Variants in RMST observed in about 807,000 individuals in gnomAD.
The protein encoded by RMST is rhabdomyosarcoma 2 associated transcript.
intron 10 of RMST, among the ~76,000 whole-genome samples, chr12:97,511,654 C>T (rs1879308635): frequency 1.3e-5 from 2 of 152,144 alleles, no homozygotes; most frequent in African/African-American, 4.8e-5. Context: ...TCTTACTATG[C>T]CTCAGTTGCC....
intron 10 of RMST, among the ~76,000 whole-genome samples, chr12:97,523,490 A>G (rs1403701329): frequency 6.6e-6 from 1 of 152,220 alleles, no homozygotes; most frequent in Non-Finnish European, 1.5e-5. Flanking sequence ...TCTCACCTCA[A>G]AGAAATGACA....
chr12:97,553,949 C>CTTTT (rs756008010), intron 11 of RMST, among the ~76,000 whole-genome samples: 27 of 120,256 alleles, frequency 2.2e-4, no homozygotes, highest in African/African-American at 2.7e-4. Context: ...TTTTCTTTCT[C>CTTTT]TTTTTTTTTT....
chr12:97,530,576 G>C (rs1285542207), intron 10 of RMST: 2 of 152,056 alleles, frequency 1.3e-5, no homozygotes, highest in Non-Finnish European at 2.9e-5. Context: ...TAGAATCTGT[G>C]ACACGTATGA....
chr12:97,514,941 T>C (rs1879781008), intron 10 of RMST, among the ~76,000 whole-genome samples: 1 of 152,220 alleles, frequency 6.6e-6, no homozygotes, highest in South Asian at 2.1e-4. Flanking sequence ...GTGCTGGTTT[T>C]GTGAAACCTT....
chr12:97,500,041 T>A (rs1877913132), intron 10 of RMST, among the ~76,000 whole-genome samples: 1 of 152,206 alleles, frequency 6.6e-6, no homozygotes, highest in Admixed American at 6.5e-5. Flanking sequence ...TCATGTTTAA[T>A]AATTTGTGAA....
In RMST at chr12:97,543,325, C is replaced by T. The variant is rs568106978; in HGVS notation, n.1545+12466C>T. 1.8e-4 allele frequency among the ~76,000 whole-genome samples: 28 copies of T among 152,042 alleles called. 1 individual carries two copies. In the South Asian group the frequency reaches 5.6e-3, roughly 30 times the overall value. On this transcript the variant is annotated intron_variant and non_coding_transcript_variant, in intron 11 of 13. Transcript: ENST00000640149. ...TAAAGGCCATTCTGCATTTCTCTAC[C>T]TCCTTTTAGTTTTTTCCACAGTTCT...
At chr12:97,519,389 C>T (rs1014299944) in intron 10 of RMST, among the ~76,000 whole-genome samples, 4 of 152,180 alleles carry the variant, frequency 2.6e-5, no homozygotes, top group African/African-American at 9.7e-5. Context: ...ATTGCTATCT[C>T]TTCAAATTGG....
chr12:97,481,078 G>T (rs562199499), intron 5 of RMST, among the ~76,000 whole-genome samples: 7 of 152,316 alleles, frequency 4.6e-5, no homozygotes, highest in African/African-American at 1.7e-4. Flanking sequence ...GAACTGGAAC[G>T]ATCTTTGTCT....
At chr12:97,534,086 G>T (rs1881888609) in intron 11 of RMST, among the ~76,000 whole-genome samples, 1 of 151,744 alleles carries the variant, frequency 6.6e-6, no homozygotes, top group Non-Finnish European at 1.5e-5. Context: ...TCTGTTTGCT[G>T]TAAGGATAAT....
chr12:97,550,692 A>G (rs1883250421), intron 11 of RMST, among the ~76,000 whole-genome samples: 1 of 152,136 alleles, frequency 6.6e-6, no homozygotes, highest in African/African-American at 2.4e-5. Flanking sequence ...TCTTAGTGCA[A>G]TTGGAACTAT....
chr12:97,526,594 C>T (rs1881135063), intron 10 of RMST, among the ~76,000 whole-genome samples: 1 of 152,056 alleles, frequency 6.6e-6, no homozygotes, highest in Admixed American at 6.5e-5. Flanking sequence ...GAAAAAATAA[C>T]CAAGTAGCAT....
chr12:97,530,605 C>G (rs960721776), intron 10 of RMST: 2 of 152,096 alleles, frequency 1.3e-5, no homozygotes, highest in African/African-American at 4.8e-5. Flanking sequence ...CAAAATTTAT[C>G]TGCTCTGGTT....
At chr12:97,501,222 G>A (rs549574810) in intron 10 of RMST, among the ~76,000 whole-genome samples, 1 of 152,306 alleles carries the variant, frequency 6.6e-6, no homozygotes, top group East Asian at 1.9e-4. Context: ...GGCCTTGGGT[G>A]ATACCAAGGT....
intron 10 of RMST, among the ~76,000 whole-genome samples, chr12:97,510,454 A>G (rs147383931): frequency 6.6e-6 from 1 of 152,352 alleles, no homozygotes; most frequent in South Asian, 2.1e-4. Context: ...CTTTGCTACA[A>G]ATGAAGATGG....
chr12:97,547,977 A>G (rs926373762), intron 11 of RMST, among the ~76,000 whole-genome samples: 4 of 151,858 alleles, frequency 2.6e-5, no homozygotes, highest in Non-Finnish European at 5.9e-5. Flanking sequence ...ACCTACACCA[A>G]TGTCATGGAG....
chr12:97,474,283 A>G (rs77715908), intron 5 of RMST, among the ~76,000 whole-genome samples: 1,665 of 152,232 alleles, frequency 0.011, 35 homozygotes, highest in African/African-American at 0.037. Flanking sequence ...AAGGTTCGCC[A>G]TCCACTTGTC....
chr12:97,534,549 T>C (rs1881915458), intron 11 of RMST, among the ~76,000 whole-genome samples: 1 of 151,740 alleles, frequency 6.6e-6, no homozygotes, highest in Non-Finnish European at 1.5e-5. Flanking sequence ...GTTTGGAAGG[T>C]GAAATTCATA....
chr12:97,515,496 A>C (rs1450658930), intron 10 of RMST, among the ~76,000 whole-genome samples: 1 of 152,120 alleles, frequency 6.6e-6, no homozygotes, highest in African/African-American at 2.4e-5. Flanking sequence ...AAACCAGTTC[A>C]TGTCTGTTCA....
intron 11 of RMST, among the ~76,000 whole-genome samples, chr12:97,548,588 A>T (rs1287077030): frequency 1.3e-5 from 2 of 152,036 alleles, no homozygotes; most frequent in Admixed American, 1.3e-4. Flanking sequence ...GGTTAAATTT[A>T]TTCCTGAGTA....
Sources: gnomAD v4.1 joint callset for allele counts (sites outside exome capture counted in the v4.1 genomes callset) on GRCh38, gnomAD v4.1.1 for gene constraint, MANE v1.5 for transcripts, NCBI Gene and HGNC (gene_info 2026-07-23, HGNC 2026-07-21) for gene names.